FAF1: variants seen among roughly 807,000 people sequenced by gnomAD.
FAF1 encodes FAS-associated factor 1.
In FAF1, 25 loss-of-function variants were observed where a neutral mutation model predicts 92.5. That is an observed-to-expected ratio of 0.27 (90% CI 0.20 to 0.38). The LOEUF is 0.38. Among genes scored for constraint, FAF1 ranks in the 10% least tolerant of loss-of-function variants. The probability of loss-of-function intolerance (pLI) is 1.00; values close to 1 mark genes in which losing one functional copy is unlikely to be tolerated. For missense variants in FAF1, 636 were observed against 793.3 expected, an observed-to-expected ratio of 0.80 and a Z score of 2.38; for synonymous variants, 234 against 273.2, an observed-to-expected ratio of 0.86 and a Z score of 1.42.
intron 8 of FAF1, among the ~76,000 whole-genome samples, chr1:50,636,873 A>G (rs1453909696): frequency 3.3e-5 from 5 of 151,750 alleles, no homozygotes; most frequent in African/African-American, 1.2e-4. Flanking sequence ...TGTGTATGGC[A>G]TAAGGTAAAA....
chr1:50,585,983 G>A (rs1651214575), intron 9 of FAF1, among the ~76,000 whole-genome samples: 1 of 151,880 alleles, frequency 6.6e-6, no homozygotes, highest in African/African-American at 2.4e-5. Context: ...AGCCCACGAG[G>A]TCAAGGTTGC....
At chr1:50,582,188 T>A (rs766688118) in intron 12 of FAF1, among the ~76,000 whole-genome samples, 1 of 152,124 alleles carries the variant, frequency 6.6e-6, no homozygotes, top group South Asian at 2.1e-4. Context: ...CTGAAAAGAA[T>A]ACAAATATGT....
At chr1:50,474,442 TG>T (rs1266544696) in intron 18 of FAF1, among the ~76,000 whole-genome samples, 1 of 152,106 alleles carries the variant, frequency 6.6e-6, no homozygotes, top group Non-Finnish European at 1.5e-5. Context: ...CATGGGTTTT[TG>T]GGGAACAGGT....
intron 1 of FAF1, among the ~76,000 whole-genome samples, chr1:50,868,607 T>C (rs939192796): frequency 1.3e-5 from 2 of 152,224 alleles, no homozygotes; most frequent in African/African-American, 4.8e-5. Flanking sequence ...GTATGTTCAT[T>C]ATCATTCAGT....
In FAF1 at chr1:50,896,455, T is replaced by C. The variant is rs113317642; in HGVS notation, c.46-38458A>G. ...TTAAAAAAAGAAAAATGAGAAAAGATGTAAAAGGAATATCCACATTCCCAT... is the reference window on the plus strand; with the variant it reads ...TTAAAAAAAGAAAAATGAGAAAAGACGTAAAAGGAATATCCACATTCCCAT... On this transcript the variant is annotated intron_variant, in intron 1 of 18. Coordinates refer to ENST00000396153, the MANE Select transcript of FAF1 (RefSeq NM_007051.3). Among the ~76,000 whole-genome samples, 461 of 152,090 alleles carry C rather than the reference T, an allele frequency of 3.0e-3. 4 individuals carry two copies. Among genetic ancestry groups the C allele is most frequent in the African/African-American group, 0.01 (435 of 41,492 alleles).
intron 15 of FAF1, among the ~76,000 whole-genome samples, chr1:50,526,037 C>G (rs753835644): frequency 6.6e-6 from 1 of 152,122 alleles, no homozygotes; most frequent in Non-Finnish European, 1.5e-5. Context: ...TGAAACATAA[C>G]ATTTAAATAA....
intron 8 of FAF1, among the ~76,000 whole-genome samples, chr1:50,607,843 G>C (rs554805951): frequency 4.8e-4 from 73 of 152,334 alleles, no homozygotes; most frequent in Non-Finnish European, 8.1e-4. Flanking sequence ...AGAATCCCAG[G>C]TGGGAACTGA....
chr1:50,472,340 A>T (rs1253972613), intron 18 of FAF1, among the ~76,000 whole-genome samples: 1 of 146,798 alleles, frequency 6.8e-6, no homozygotes, highest in Non-Finnish European at 1.5e-5. Flanking sequence ...TCTCTTAGTA[A>T]CTGTTATTAG....
intron 7 of FAF1, among the ~76,000 whole-genome samples, chr1:50,692,335 A>G (rs1656974055): frequency 6.6e-6 from 1 of 151,250 alleles, no homozygotes; most frequent in African/African-American, 2.4e-5. Flanking sequence ...ATTTTGAAAT[A>G]TATAACACAT....
At chr1:50,448,390 A>T (rs1177717084) in intron 18 of FAF1, among the ~76,000 whole-genome samples, 1 of 152,050 alleles carries the variant, frequency 6.6e-6, no homozygotes, top group Non-Finnish European at 1.5e-5. Flanking sequence ...TGCCTCCCAG[A>T]GTTGTTGTGA....
chr1:50,619,004 G>T (rs1432839875), intron 8 of FAF1, among the ~76,000 whole-genome samples: 1 of 152,188 alleles, frequency 6.6e-6, no homozygotes, highest in South Asian at 2.1e-4. Flanking sequence ...TAATTCACCA[G>T]CCTTGGACTC....
chr1:50,445,954 G>A (rs1646222671), intron 18 of FAF1, among the ~76,000 whole-genome samples: 1 of 152,160 alleles, frequency 6.6e-6, no homozygotes, highest in East Asian at 1.9e-4. Context: ...TTTCTTAGCA[G>A]ACTGAAATTT....
intron 14 of FAF1, among the ~76,000 whole-genome samples, chr1:50,538,903 G>A (rs990928230): frequency 6.6e-6 from 1 of 152,184 alleles, no homozygotes; most frequent in African/African-American, 2.4e-5. Context: ...GCAGAAATTA[G>A]TATACCAGAT....
At chr1:50,938,786 T>G (rs1645107318) in intron 1 of FAF1, among the ~76,000 whole-genome samples, 1 of 152,208 alleles carries the variant, frequency 6.6e-6, no homozygotes, top group Non-Finnish European at 1.5e-5. Flanking sequence ...GTTTCATCCT[T>G]CTGCATACAG....
intron 7 of FAF1, among the ~76,000 whole-genome samples, chr1:50,656,701 G>A (rs1022935723): frequency 1.3e-5 from 2 of 151,894 alleles, no homozygotes; most frequent in Non-Finnish European, 2.9e-5. Context: ...TGGCCAACAT[G>A]GCAAAACCTT....
intron 1 of FAF1, among the ~76,000 whole-genome samples, chr1:50,915,855 T>C (rs1371347176): frequency 6.6e-6 from 1 of 152,124 alleles, no homozygotes; most frequent in African/African-American, 2.4e-5. Flanking sequence ...AGATCCACAG[T>C]CCCTATTCCC....
At chr1:50,529,124 GTTGT>G (rs1356084961) in intron 15 of FAF1, among the ~76,000 whole-genome samples, 1 of 152,092 alleles carries the variant, frequency 6.6e-6, no homozygotes, top group Non-Finnish European at 1.5e-5. Context: ...TAACCTCCAC[GTTGT>G]TTAAGAGTTA....
chr1:50,720,933 G>A (rs972030877), intron 6 of FAF1, among the ~76,000 whole-genome samples: 11 of 152,010 alleles, frequency 7.2e-5, no homozygotes, highest in African/African-American at 2.7e-4. Context: ...ATTCCTTTCT[G>A]TAGCTCAGGA....
chr1:50,602,744 T>G (rs1388957935), intron 8 of FAF1, among the ~76,000 whole-genome samples: 1 of 152,064 alleles, frequency 6.6e-6, no homozygotes, highest in African/African-American at 2.4e-5. Flanking sequence ...TCAAGTGATC[T>G]GCCCGCCTCG....
Sources: allele counts gnomAD v4.1 joint callset (sites outside exome capture counted in the v4.1 genomes callset), GRCh38; gene constraint gnomAD v4.1.1; transcripts MANE v1.5; gene names NCBI Gene and HGNC (gene_info 2026-07-23, HGNC 2026-07-21).